Variants in ABCB11 observed in about 807,000 individuals in gnomAD.
ABCB11 encodes the protein ATP binding cassette subfamily B member 11, also known as bile salt export pump.
Under a neutral mutation model 148.0 loss-of-function variants are expected in ABCB11, and 95 were observed. The observed-to-expected ratio is 0.64, with a 90% CI of 0.54 to 0.76. The LOEUF (loss-of-function observed/expected upper bound fraction) is 0.76, where lower values mean the gene tolerates loss of function less well. Among genes scored for constraint, ABCB11 ranks in the 30% least tolerant of loss-of-function variants. The pLI, the probability that ABCB11 is intolerant of heterozygous loss-of-function variation, is 0.00. For synonymous variants in ABCB11, 591 were observed against 555.4 expected (o/e 1.06, Z -0.90); for missense variants, 1,523 against 1,617.8 (o/e 0.94, Z 1.01).
At chr2:168,926,045 C>A (rs1000953059) in intron 26 of ABCB11, among the ~76,000 whole-genome samples, 1 of 152,154 alleles carries the variant, frequency 6.6e-6, no homozygotes, top group Non-Finnish European at 1.5e-5. Flanking sequence ...AACAAAAAGC[C>A]TTCCACAAAC....
intron 23 of ABCB11, among the ~76,000 whole-genome samples, chr2:168,933,028 GA>G (rs1454334830): frequency 6.7e-6 from 1 of 150,002 alleles, no homozygotes; most frequent in African/African-American, 2.5e-5. Context: ...AGAATGGTAT[GA>G]ACCTGGGAGG....
In ABCB11 at chr2:168,971,864, T is replaced by C. The variant is rs979738325; in HGVS notation, c.1621A>G (p.Ile541Val). Residue 541 changes from isoleucine (I) to valine (V), a missense_variant, in exon 14 of 28, where the codon ATC becomes GTC. Transcript: ENST00000650372. ...AGGGGTACCTGTGGCAGGTCCATGA[T>C]GAAGTTGTAGGCATTGGCCTCCTTG... Reference protein sequence around the residue: ...AAKEANAYNFIMDLPQQFDTL... With the variant: ...AAKEANAYNFVMDLPQQFDTL... The C allele has an allele frequency of 6.2e-7, 1 of 1,612,690 alleles. No homozygotes were observed. The highest frequency in any genetic ancestry group is 8.5e-7 in the Non-Finnish European group (1 of 1,179,140).
At chr2:168,979,687 A>G (rs1694066511) in intron 11 of ABCB11, among the ~76,000 whole-genome samples, 179 bp downstream of exon 11, 1 of 149,798 alleles carries the variant, frequency 6.7e-6, no homozygotes, top group Non-Finnish European at 1.5e-5. Context: ...AAAAAAAAAA[A>G]AAAAAAAAAA....
At chr2:169,009,405 A>G (rs1159160259) in intron 5 of ABCB11, among the ~76,000 whole-genome samples, 3 of 152,146 alleles carry the variant, frequency 2.0e-5, no homozygotes, top group African/African-American at 7.2e-5. Context: ...GCCATAAAAA[A>G]TGATGAGTTC....
In ABCB11 at chr2:168,932,387, C is replaced by A; in HGVS notation, c.3203G>T (p.Gly1068Val). The A allele has an allele frequency of 6.4e-7, 1 of 1,560,184 alleles. No homozygotes were observed. The highest frequency in any genetic ancestry group is 8.7e-7 in the Non-Finnish European group (1 of 1,151,576). ...TATTCCAACACTTACCCATTTTTCA[C>A]CTGCAGTATTGTATACACTGATTGG... Reference protein sequence around the residue: ...QPPISVYNTAGEKWDNFQGKI... With the variant: ...QPPISVYNTAVEKWDNFQGKI... Residue 1068 changes from glycine (G) to valine (V), a missense_variant, in exon 24 of 28, where the codon GGT becomes GTT. Coordinates refer to ENST00000650372, the MANE Select transcript of ABCB11 (RefSeq NM_003742.4).
At chr2:168,941,057 A>C (rs1284847277) in intron 21 of ABCB11, among the ~76,000 whole-genome samples, 2 of 152,096 alleles carry the variant, frequency 1.3e-5, no homozygotes, top group African/African-American at 4.8e-5. Flanking sequence ...ATGTACAAGG[A>C]GATGAATGTT....
intron 23 of ABCB11, among the ~76,000 whole-genome samples, chr2:168,933,183 G>A (rs1559181592): frequency 6.6e-6 from 1 of 151,436 alleles, no homozygotes; most frequent in Non-Finnish European, 1.5e-5. Flanking sequence ...AAAAGAAAAA[G>A]CAGGCTTGAA....
At chr2:168,975,763 TA>T (rs1693869779) in intron 12 of ABCB11, among the ~76,000 whole-genome samples, 1 of 146,582 alleles carries the variant, frequency 6.8e-6, no homozygotes, top group South Asian at 2.1e-4. Flanking sequence ...ATATCATATA[TA>T]TATCACAGAT....
At chr2:168,931,877 G>A (rs1691581558) in intron 24 of ABCB11, among the ~76,000 whole-genome samples, 2 of 152,108 alleles carry the variant, frequency 1.3e-5, no homozygotes, top group Non-Finnish European at 2.9e-5. Context: ...TCTTCTCCAA[G>A]TATGTATGAA....
chr2:168,944,429 A>C (rs933716456), intron 21 of ABCB11, among the ~76,000 whole-genome samples, 176 bp downstream of exon 21: 1 of 152,000 alleles, frequency 6.6e-6, no homozygotes, highest in Non-Finnish European at 1.5e-5. Context: ...TGCCTGGGAG[A>C]CACTGTGCTT....
intron 23 of ABCB11, among the ~76,000 whole-genome samples, chr2:168,934,083 ATATTCTAAATTATTCTAAAAT>A (rs537834410): frequency 0.013 from 1,914 of 152,232 alleles, 25 homozygotes; most frequent in Middle Eastern, 0.027. Flanking sequence ...TGGCAAAAAA[ATATTCTAAATTATTCTAAAAT>A]TATTCTAAAT....
At chr2:168,990,654 A>G in intron 9 of ABCB11, 147 bp downstream of exon 9, 2 of 976,818 alleles carry the variant, frequency 2.0e-6, no homozygotes, top group Non-Finnish European at 3.0e-6. Context: ...ACCAACCTAA[A>G]TTACTCTGCT....
At chr2:168,930,551 G>T (rs914706625) in intron 25 of ABCB11, 114 bp downstream of exon 25, 1 of 771,600 alleles carries the variant, frequency 1.3e-6, no homozygotes. Context: ...TGGGGTAAGT[G>T]CCTTAGGCAA....
At position 168,923,837 on chromosome 2, in the gene ABCB11, T is replaced by C. The variant is rs1461005678; in HGVS notation, c.3766-15A>G. On this transcript the variant is annotated splice_polypyrimidine_tract_variant and intron_variant, in intron 27 of 27. Transcript: ENST00000650372. ...ACCTGCACCGTCTGCAAAGAGAAGA[T>C]GGAAAGTTGATGCAAAGATGCATGA... 1 of 1,613,322 alleles carries C rather than the reference T, an allele frequency of 6.2e-7. No homozygotes were observed. Among genetic ancestry groups the C allele is most frequent in the Non-Finnish European group, 8.5e-7 (1 of 1,179,422 alleles).
At chr2:169,030,348 G>T (rs1318949791) in intron 1 of ABCB11, among the ~76,000 whole-genome samples, 1 of 152,132 alleles carries the variant, frequency 6.6e-6, no homozygotes, top group Non-Finnish European at 1.5e-5. Context: ...CACAGCAGGG[G>T]GAACCAAGGT....
Position 168,921,269 on chromosome 2 carries a change from C to T in ABCB11, c.*2353G>A, listed in dbSNP as rs908490599. On this transcript the variant is annotated 3_prime_UTR_variant, in exon 28 of 28. Transcript: ENST00000650372. ...CTTTGCTGTTATATACCAGGAAACA[C>T]TGGAAAAGAGACATAAATAATATAC... Among the ~76,000 whole-genome samples the T allele has an allele frequency of 1.3e-5, 2 of 152,174 alleles. No homozygotes were observed. Among genetic ancestry groups the T allele is most frequent in the Admixed American group, 1.3e-4 (2 of 15,280 alleles).
chr2:168,995,911 A>G (rs1694697223), intron 6 of ABCB11, among the ~76,000 whole-genome samples: 1 of 151,524 alleles, frequency 6.6e-6, no homozygotes, highest in African/African-American at 2.4e-5. Context: ...ATAATTTTCA[A>G]GAAATGTAAA....
At position 168,927,368 on chromosome 2, in the gene ABCB11, A is replaced by C; in HGVS notation, c.3412-6T>G. 6.2e-7 allele frequency: 1 copy of C among 1,609,476 alleles called. No individual in the cohort carries two copies. Among genetic ancestry groups the C allele is most frequent in the Non-Finnish European group, 8.5e-7 (1 of 1,176,040 alleles). On this transcript the variant is annotated splice_region_variant and splice_polypyrimidine_tract_variant and intron_variant, in intron 25 of 27. Transcript: ENST00000650372. ...CTGTCATGACCATCTATCATCTGCCAATAGAGGAGATGACAGGTCATTAGG... is the reference window on the plus strand; with the variant it reads ...CTGTCATGACCATCTATCATCTGCCCATAGAGGAGATGACAGGTCATTAGG...
intron 19 of ABCB11, among the ~76,000 whole-genome samples, chr2:168,946,256 A>G (rs747150100): frequency 2.0e-5 from 3 of 151,878 alleles, no homozygotes; most frequent in Non-Finnish European, 2.9e-5. Flanking sequence ...AGTGTCAACA[A>G]ATAGTTGTTC....
Sources: gnomAD v4.1 joint callset for allele counts (sites outside exome capture counted in the v4.1 genomes callset) on GRCh38, gnomAD v4.1.1 for gene constraint, MANE v1.5 for transcripts, NCBI Gene and HGNC (gene_info 2026-07-23, HGNC 2026-07-21) for gene names.